PXDNL: variants seen among roughly 807,000 people sequenced by gnomAD.
PXDNL encodes the protein peroxidasin like.
A neutral mutation model predicts 150.8 loss-of-function variants in PXDNL; 145 were observed. The observed-to-expected ratio is 0.96, with a 90% CI of 0.84 to 1.10. The LOEUF is 1.10. Ranked by LOEUF, PXDNL falls within the 50% of genes least tolerant of loss-of-function variation. The pLI, the probability that PXDNL is intolerant of heterozygous loss-of-function variation, is 0.00. For missense variants in PXDNL, 2,087 were observed against 1,873.9 expected, an observed-to-expected ratio of 1.11 and a Z score of -2.10; for synonymous variants, 757 against 725.7, an observed-to-expected ratio of 1.04 and a Z score of -0.69.
intron 4 of PXDNL, among the ~76,000 whole-genome samples, chr8:51,532,554 T>A (rs114111969): frequency 0.015 from 2,322 of 152,266 alleles, 32 homozygotes; most frequent in African/African-American, 0.035. Flanking sequence ...GTAGCATCTC[T>A]GAGTTTGTTT....
chr8:51,353,730 A>T (rs1482040495), intron 19 of PXDNL, among the ~76,000 whole-genome samples: 1 of 152,190 alleles, frequency 6.6e-6, no homozygotes, highest in Non-Finnish European at 1.5e-5. Flanking sequence ...TGATCTCATT[A>T]GTAATATTCA....
intron 2 of PXDNL, among the ~76,000 whole-genome samples, chr8:51,601,659 T>C (rs1346446820): frequency 1.3e-5 from 2 of 152,058 alleles, no homozygotes; most frequent in Non-Finnish European, 2.9e-5. Context: ...GGGTCTTCTT[T>C]TTTTATCCAA....
intron 8 of PXDNL, among the ~76,000 whole-genome samples, chr8:51,457,953 G>A (rs577463298): frequency 4.9e-4 from 74 of 152,174 alleles, no homozygotes; most frequent in African/African-American, 1.7e-3. Context: ...TGAAGCAAGC[G>A]CTCCCATATG....
rs1398456167 is a variant in PXDNL at position 51,654,746 on chromosome 8, T to A, written c.179A>T (p.Asn60Ile). The A allele has an allele frequency of 6.2e-7, 1 of 1,613,080 alleles. No homozygotes were observed. The highest frequency in any genetic ancestry group is 2.2e-5 in the East Asian group (1 of 44,852). Residue 60 changes from asparagine (N) to isoleucine (I), a missense_variant, in exon 2 of 23, where the codon AAC (asparagine) becomes ATC (isoleucine). Coordinates refer to ENST00000356297, the MANE Select transcript of PXDNL (RefSeq NM_144651.5). ...GCTCCCTGGAATTTCTCTTATTCTG[T>A]TAAACCTCAAGTCTCTGGGAACATA... is the stretch of plus-strand genomic sequence containing the variant. ...QQTTVLDLRF[N>I]RIREIPGSAF...
At position 51,350,032 on chromosome 8, in the gene PXDNL, G is replaced by A. The variant is rs192962012; in HGVS notation, c.3902-4085C>T. The stretch of plus-strand genomic sequence containing the variant: ...TGCATATGAAACATCTCTGTTGTCT[G>A]GGGTATATACCCTGGTTCTTTATCT... On this transcript the variant is annotated intron_variant, in intron 19 of 22. Coordinates refer to ENST00000356297, the MANE Select transcript of PXDNL (RefSeq NM_144651.5). Among the ~76,000 whole-genome samples, 1,311 of 152,194 alleles carry A rather than the reference G, an allele frequency of 8.6e-3. 19 individuals carry two copies. Among genetic ancestry groups the A allele is most frequent in the African/African-American group, 0.028 (1,175 of 41,526 alleles).
chr8:51,480,301 G>A (rs1191530961), intron 6 of PXDNL, among the ~76,000 whole-genome samples: 1 of 152,308 alleles, frequency 6.6e-6, no homozygotes, highest in African/African-American at 2.4e-5. Flanking sequence ...TGGTTCTGTA[G>A]ACTGTACAGG....
At position 51,408,327 on chromosome 8, in the gene PXDNL, C is replaced by T. The variant is rs1429276841; in HGVS notation, c.3297G>A (p.Pro1099=). The T allele has an allele frequency of 1.2e-6, 2 of 1,614,004 alleles. No homozygotes were observed. The highest frequency in any genetic ancestry group is 1.3e-5 in the African/African-American group (1 of 75,052). ...SRIIKEGGID[P]VLRGLFGVAA... The stretch of plus-strand genomic sequence containing the variant: ...CCACGCCAAACAGCCCCCGGAGAAC[C>T]GGGTCTATCCCACCTTCCTTGATTA... Residue 1099 remains proline, a synonymous_variant, in exon 17 of 23, where the codon CCG becomes CCA. Coordinates refer to ENST00000356297, the MANE Select transcript of PXDNL (RefSeq NM_144651.5).
chr8:51,803,123 A>G (rs2037637876), intron 1 of PXDNL, among the ~76,000 whole-genome samples: 1 of 152,220 alleles, frequency 6.6e-6, no homozygotes, highest in African/African-American at 2.4e-5. Flanking sequence ...GTGCTGCAGC[A>G]ACGAGGCTTC....
intron 12 of PXDNL, chr8:51,436,169 T>G: frequency 1.9e-6 from 1 of 518,624 alleles, no homozygotes; most frequent in South Asian, 1.4e-5. Flanking sequence ...ATTCAGATCT[T>G]TAGTACACCG....
intron 4 of PXDNL, among the ~76,000 whole-genome samples, chr8:51,526,340 T>TTA (rs1441190378): frequency 2.0e-5 from 3 of 152,044 alleles, no homozygotes; most frequent in Middle Eastern, 3.4e-3. Context: ...CTGATCTGTT[T>TTA]TTTTTTCTTT....
At chr8:51,763,527 G>A (rs2037191039) in intron 1 of PXDNL, among the ~76,000 whole-genome samples, 1 of 152,076 alleles carries the variant, frequency 6.6e-6, no homozygotes, top group African/African-American at 2.4e-5. Flanking sequence ...GACCCCAGAA[G>A]TATGCCAACA....
chr8:51,776,954 T>C (rs2037360439), intron 1 of PXDNL, among the ~76,000 whole-genome samples: 1 of 152,198 alleles, frequency 6.6e-6, no homozygotes, highest in African/African-American at 2.4e-5. Flanking sequence ...AGATGGCCCC[T>C]CTACACCTTA....
At chr8:51,521,845 C>T (rs1811671997) in intron 4 of PXDNL, among the ~76,000 whole-genome samples, 1 of 151,944 alleles carries the variant, frequency 6.6e-6, no homozygotes, top group Non-Finnish European at 1.5e-5. Flanking sequence ...ACCATGCAAG[C>T]AGAAAGAAAA....
intron 1 of PXDNL, among the ~76,000 whole-genome samples, chr8:51,665,444 C>T (rs1345220477): frequency 6.6e-6 from 1 of 152,074 alleles, no homozygotes; most frequent in Non-Finnish European, 1.5e-5. Flanking sequence ...ACAGATATTG[C>T]TTTTATAACA....
At chr8:51,638,928 C>A (rs192848009) in intron 2 of PXDNL, among the ~76,000 whole-genome samples, 56 of 152,180 alleles carry the variant, frequency 3.7e-4, no homozygotes, top group Admixed American at 3.7e-3. Flanking sequence ...ACAATTATTC[C>A]AAAATTGAAC....
At chr8:51,641,428 T>G (rs1814752450) in intron 2 of PXDNL, among the ~76,000 whole-genome samples, 1 of 150,958 alleles carries the variant, frequency 6.6e-6, no homozygotes, top group South Asian at 2.1e-4. Flanking sequence ...ACCTAAAAAA[T>G]GGGAGAAAAT....
At chr8:51,325,733 T>C (rs1239567499) in intron 21 of PXDNL, among the ~76,000 whole-genome samples, 1 of 152,096 alleles carries the variant, frequency 6.6e-6, no homozygotes, top group African/African-American at 2.4e-5. Context: ...TTGCATGCAA[T>C]CATCTGGCAT....
At chr8:51,567,791 G>A (rs564317274) in intron 3 of PXDNL, among the ~76,000 whole-genome samples, 83 of 151,640 alleles carry the variant, frequency 5.5e-4, no homozygotes, top group Non-Finnish European at 9.6e-4. Context: ...GATATAAAAC[G>A]ATGCGACATT....
rs536468204 is a variant in PXDNL at position 51,455,115 on chromosome 8, C to CAAAA, written c.983-1334_983-1331dup. Among the ~76,000 whole-genome samples the CAAAA allele has an allele frequency of 8.8e-4, 14 of 15,860 alleles. 4 individuals carry two copies. The highest frequency in any genetic ancestry group is 2.3e-3 in the African/African-American group (10 of 4,268). 10.4% of individuals were successfully genotyped at this position (15,860 alleles called of 152,430 possible). A position where few individuals can be genotyped will look rare whatever the true frequency, so the allele number is the denominator to read the frequency against. On this transcript the variant is annotated intron_variant, in intron 9 of 22. Transcript: ENST00000356297. ...TGGGCGACAGAGCGAGACTCCGTCT[C>CAAAA]AAAAAAAAAAAAAAAAAAGAGGTAA...
Sources: gnomAD v4.1 joint callset for allele counts (sites outside exome capture counted in the v4.1 genomes callset) on GRCh38, gnomAD v4.1.1 for gene constraint, MANE v1.5 for transcripts, NCBI Gene and HGNC (gene_info 2026-07-23, HGNC 2026-07-21) for gene names.